Variants in GNS observed in about 807,000 individuals in gnomAD.
The protein encoded by GNS is N-acetylglucosamine-6-sulfatase.
GNS carries 40 observed loss-of-function variants against 69.7 expected under a neutral mutation model. The ratio of observed to expected loss-of-function variants is 0.57; its 90% confidence interval spans 0.45 to 0.75. GNS has a LOEUF of 0.75. GNS is among the 30% of genes least tolerant of loss of function. The pLI is 0.00. For synonymous variants in GNS, 243 were observed against 251.6 expected (o/e 0.97, Z 0.32); for missense variants, 565 against 685.5 (o/e 0.82, Z 1.96).
intron 9 of GNS, chr12:64,729,269 T>C (rs915804304): frequency 5.4e-5 from 30 of 552,832 alleles, no homozygotes; most frequent in African/African-American, 4.9e-4. Context: ...TATAATAGTA[T>C]ATCCCCCTGG....
At chr12:64,735,292 T>G (rs1413911149) in intron 9 of GNS, among the ~76,000 whole-genome samples, 2 of 152,232 alleles carry the variant, frequency 1.3e-5, no homozygotes, top group East Asian at 3.8e-4. Flanking sequence ...AGGGCTCTGC[T>G]ACTTTTTGGC....
chr12:64,744,882 T>C lies in GNS; in HGVS notation c.551A>G (p.Tyr184Cys). 1 of 1,510,702 alleles carries C rather than the reference T, an allele frequency of 6.6e-7. No individual in the cohort carries two copies. The highest frequency in any genetic ancestry group is 9.2e-7 in the Non-Finnish European group (1 of 1,085,620). 93.6% of individuals were successfully genotyped at this position (1,510,702 alleles called of 1,614,324 possible). Residue 184 changes from tyrosine (Y) to cysteine (C), a missense_variant, in exon 5 of 14, where the codon TAC (tyrosine) becomes TGC (cysteine). Transcript: ENST00000258145. ...TGCCTTCCCATTGATAGACAGGGTGTAATTATAATACTTAGAATTCTTTTC... is the reference window on the plus strand; with the variant it reads ...TGCCTTCCCATTGATAGACAGGGTGCAATTATAATACTTAGAATTCTTTTC... ...ALEKNSKYYN[Y>C]TLSINGKARK...
At chr12:64,733,321 A>G (rs2136242793) in intron 9 of GNS, among the ~76,000 whole-genome samples, 1 of 151,188 alleles carries the variant, frequency 6.6e-6, no homozygotes, top group East Asian at 1.9e-4. Context: ...AAAAAAAAAA[A>G]AAAAAAATTC....
rs200414276 is a variant in GNS, at chr12:64,744,875, C to T, written c.558G>A (p.Leu186=). The part of the protein sequence containing the change: ...EKNSKYYNYT[L]SINGKARKHG... ...GCTTCCGTGCCTTCCCATTGATAGA[C>T]AGGGTGTAATTATAATACTTAGAAT... The change falls in exon 5 of 14, where the codon CTG becomes CTA. Residue 186 remains leucine, a synonymous_variant. Coordinates refer to ENST00000258145, the MANE Select transcript of GNS (RefSeq NM_002076.4). 6.5e-6 allele frequency: 10 copies of T among 1,537,380 alleles called. No homozygotes were observed. The highest frequency in any genetic ancestry group is 5.4e-5 in the African/African-American group (4 of 73,542).
intron 5 of GNS, among the ~76,000 whole-genome samples, chr12:64,744,337 C>T (rs1019243622): frequency 6.6e-6 from 1 of 152,162 alleles, no homozygotes; most frequent in African/African-American, 2.4e-5. Flanking sequence ...TGAAGACTGT[C>T]ATTAGAAACG....
intron 2 of GNS, among the ~76,000 whole-genome samples, chr12:64,749,633 A>G (rs1031742387): frequency 3.3e-5 from 5 of 152,202 alleles, no homozygotes; most frequent in Non-Finnish European, 5.9e-5. Flanking sequence ...CGGTTTGTTC[A>G]TATGCTTTGC....
Position 64,721,641 on chromosome 12 carries a change from A to G in GNS, c.1373T>C (p.Met458Thr), listed in dbSNP as rs754567725. 2 of 1,602,046 alleles carry G rather than the reference A, an allele frequency of 1.2e-6. No individual in the cohort carries two copies. The highest frequency in any genetic ancestry group is 1.1e-5 in the South Asian group (1 of 90,840). Reference protein sequence around the residue: ...YNNTYACVRTMSALWNLQYCE... With the variant: ...YNNTYACVRTTSALWNLQYCE... ...ATACTGCAAATTCCACAATGCTGACATTGTCCTCACACAGGCATAGGTATT... is the reference window on the plus strand; with the variant it reads ...ATACTGCAAATTCCACAATGCTGACGTTGTCCTCACACAGGCATAGGTATT... Residue 458 changes from methionine (M) to threonine (T), a missense_variant, in exon 12 of 14, where the codon ATG (methionine) becomes ACG (threonine). By Grantham distance (81) the Met-to-Thr change is moderately conservative (BLOSUM62 -1). Transcript: ENST00000258145.
intron 1 of GNS, chr12:64,753,065 T>C (rs1217370822): frequency 1.1e-5 from 4 of 360,686 alleles, no homozygotes; most frequent in African/African-American, 4.2e-5. Flanking sequence ...CCTATCTCCA[T>C]GAATTAATCT....
intron 6 of GNS, 46 bp downstream of exon 6, chr12:64,743,091 ATAGT>A (rs1250032037): frequency 7.4e-7 from 1 of 1,356,436 alleles, no homozygotes; most frequent in African/African-American, 1.4e-5. Flanking sequence ...AGTATACCAT[ATAGT>A]TAATGATACT....
At chr12:64,729,283 G>T (rs1869310702) in intron 9 of GNS, 1 of 519,404 alleles carries the variant, frequency 1.9e-6, no homozygotes, top group East Asian at 3.1e-5. Flanking sequence ...CCCCTGGCAA[G>T]TTACATATTT....
intron 9 of GNS, among the ~76,000 whole-genome samples, chr12:64,732,319 C>T (rs1376525097): frequency 6.6e-6 from 1 of 151,648 alleles, no homozygotes; most frequent in Non-Finnish European, 1.5e-5. Context: ...AGGCGCCTGC[C>T]ACCACGCCCA....
At chr12:64,722,519 G>A (rs1302028542) in intron 11 of GNS, among the ~76,000 whole-genome samples, 1 of 152,210 alleles carries the variant, frequency 6.6e-6, no homozygotes, top group African/African-American at 2.4e-5. Context: ...ACACTTTGGT[G>A]TTAGAAGAAT....
At chr12:64,717,518 ATTTTTTTTTTT>A (rs57088346) in intron 13 of GNS, among the ~76,000 whole-genome samples, 1 of 131,408 alleles carries the variant, frequency 7.6e-6, no homozygotes. Context: ...CACCTGGCTA[ATTTTTTTTTTT>A]TTTTTTTTTT....
Position 64,720,113 on chromosome 12 carries a change from G to A in GNS, c.1489C>T (p.Pro497Ser). ...TAGTTCATCTTTCCTAAAAGCTCTG[G>A]GTCTATGGTTTTAGCAATGTTAGTG... ...QITNIAKTID[P>S]ELLGKMNYRL... Residue 497 changes from proline to serine, a missense_variant, in exon 13 of 14, where the codon CCA (proline) becomes TCA (serine). Around this residue, in one of 2 missense-constraint regions of GNS, gnomAD observed 384 missense variants for 511.0 expected, o/e 0.75. Coordinates refer to ENST00000258145, the MANE Select transcript of GNS (RefSeq NM_002076.4). 6.2e-7 allele frequency: 1 copy of A among 1,605,778 alleles called. No individual in the cohort carries two copies. The highest frequency in any genetic ancestry group is 8.5e-7 in the Non-Finnish European group (1 of 1,172,430).
chr12:64,745,204 CTTTT>C (rs141453545), intron 4 of GNS, among the ~76,000 whole-genome samples: 732 of 42,342 alleles, frequency 0.017, 15 homozygotes, highest in African/African-American at 0.049. Flanking sequence ...AGTCAATAGA[CTTTT>C]TTTTTTTTTT....
chr12:64,716,716 C>T lies in GNS; in HGVS notation c.*25G>A, dbSNP rs760916879. On this transcript the variant is annotated 3_prime_UTR_variant, in exon 14 of 14. Transcript: ENST00000258145. ...CATCAGAAAGAGGCGTGCAGGGATC[C>T]ATCTGCAGAGGCTGTGTGAGGTCGC... is the stretch of plus-strand genomic sequence containing the variant. The T allele has an allele frequency of 1.7e-5, 24 of 1,412,670 alleles. No individual in the cohort carries two copies. Among genetic ancestry groups the T allele is most frequent in the Non-Finnish European group, 1.9e-5 (19 of 996,380 alleles). 87.5% of individuals were successfully genotyped at this position (1,412,670 alleles called of 1,614,324 possible).
At chr12:64,745,345 G>A (rs897670640) in intron 4 of GNS, among the ~76,000 whole-genome samples, 4 of 149,080 alleles carry the variant, frequency 2.7e-5, no homozygotes, top group Non-Finnish European at 4.4e-5. Flanking sequence ...TCAGCCTCCC[G>A]AGTAGCTGGG....
chr12:64,747,882 T>C lies in GNS; in HGVS notation c.289A>G (p.Ser97Gly), dbSNP rs764632269. 6.2e-7 allele frequency: 1 copy of C among 1,610,822 alleles called. No individual in the cohort carries two copies. Among genetic ancestry groups the C allele is most frequent in the East Asian group, 2.2e-5 (1 of 44,860 alleles). The change falls in exon 3 of 14, where the codon AGT becomes GGT. Residue 97 changes from serine to glycine, a missense_variant. By Grantham distance (56) the Ser-to-Gly change is moderately conservative (BLOSUM62 0). Coordinates refer to ENST00000258145, the MANE Select transcript of GNS (RefSeq NM_002076.4). Reference protein sequence around the residue: ...PSALCCPSRASILTGKYPHNH... With the variant: ...PSALCCPSRAGILTGKYPHNH... ...TGTGGGTACTTTCCTGTCAGGATAC[T>C]GGCTCTGCTGGGGCAGCAGAGAGCA... is the stretch of plus-strand genomic sequence containing the variant.
intron 1 of GNS, chr12:64,756,682 G>A: frequency 7.9e-7 from 1 of 1,266,394 alleles, no homozygotes; most frequent in Non-Finnish European, 1.1e-6. Flanking sequence ...TCGGCTCCAA[G>A]TAAGTTCTCA....
Sources: allele counts gnomAD v4.1 joint callset (sites outside exome capture counted in the v4.1 genomes callset), GRCh38; gene constraint gnomAD v4.1.1; regional missense constraint gnomAD v4.1.1; transcripts MANE v1.5; gene names NCBI Gene and HGNC (gene_info 2026-07-23, HGNC 2026-07-21).